The following ZNF423 variants were observed in gnomAD, a reference collection of about 807,000 sequenced individuals.
ZNF423 encodes the protein zinc finger protein 423, also known as Ebf-associated zinc finger protein.
A neutral mutation model predicts 95.8 loss-of-function variants in ZNF423; 12 were observed. The ratio of observed to expected loss-of-function variants is 0.13; its 90% CI spans 0.08 to 0.20. ZNF423 has a LOEUF of 0.20. Among genes scored for constraint, ZNF423 ranks in the 10% least tolerant of loss-of-function variants. The pLI is 1.00. For missense variants in ZNF423, 1,316 were observed against 1,737.1 expected (o/e 0.76, Z 4.31); for synonymous variants, 749 against 711.9 (o/e 1.05, Z -0.83).
intron 3 of ZNF423, among the ~76,000 whole-genome samples, chr16:49,657,144 T>C (rs1006049431): frequency 6.6e-6 from 1 of 152,180 alleles, no homozygotes; most frequent in Non-Finnish European, 1.5e-5. Flanking sequence ...CCTGGACACC[T>C]CTCAGGGTGA....
chr16:49,637,145 C>T lies in ZNF423; in HGVS notation c.2031G>A (p.Glu677=), dbSNP rs2151884113. 1 of 1,613,660 alleles carries T rather than the reference C, an allele frequency of 6.2e-7. No individual in the cohort carries two copies. The highest frequency in any genetic ancestry group is 8.5e-7 in the Non-Finnish European group (1 of 1,179,998). Reference sequence around the variant, plus strand: ...GGAGGGACTCCTGGGAGTCAAAGTCCTCTTTGCACTGGGGGCACGCTTGCT... The same window carrying T: ...GGAGGGACTCCTGGGAGTCAAAGTCTTCTTTGCACTGGGGGCACGCTTGCT... ...LRKQACPQCK[E]DFDSQESLLQ... is the part of the protein sequence containing the mutation. Residue 677 remains glutamate (E), a synonymous_variant, in exon 4 of 8, where the codon GAG becomes GAA. Transcript: ENST00000563137. This position sits in a 1 kb window ranked among gnomAD's most constrained non-coding sequence, Gnocchi z 5.6.
At position 49,855,901 on chromosome 16, in the gene ZNF423, G is replaced by T. The variant is rs1597067777; in HGVS notation, c.-127C>A. The T allele has an allele frequency of 6.7e-6, 1 of 148,802 alleles. No individual in the cohort carries two copies. The highest frequency in any genetic ancestry group is 2.1e-4 in the East Asian group (1 of 4,842). The allele number at this position is 148,802 out of a possible 1,614,324, so 9.2% of individuals were successfully genotyped here. Reference sequence around the variant, plus strand: ...TTGGAAACTTTTTTTTTTGCAGCCCGGTTGGCGGCTGTGGGGAGCGGACCG... The same window carrying T: ...TTGGAAACTTTTTTTTTTGCAGCCCTGTTGGCGGCTGTGGGGAGCGGACCG... On this transcript the variant is annotated 5_prime_UTR_variant, in exon 1 of 8. Coordinates refer to ENST00000563137, the MANE Select transcript of ZNF423 (RefSeq NM_001379286.1). The surrounding 1 kb of genome is among the most constrained non-coding windows in gnomAD (Gnocchi z 4.7).
At chr16:49,731,645 TC>T (rs2033170609) in intron 2 of ZNF423, among the ~76,000 whole-genome samples, 1 of 149,122 alleles carries the variant, frequency 6.7e-6, no homozygotes, top group African/African-American at 2.5e-5. Context: ...AGACTCTATC[TC>T]TACAAAAAAA....
At chr16:49,784,644 G>A (rs910937231) in intron 2 of ZNF423, among the ~76,000 whole-genome samples, 2 of 152,190 alleles carry the variant, frequency 1.3e-5, no homozygotes, top group African/African-American at 2.4e-5. Context: ...GAATAGGCAA[G>A]TCTACAGAGA....
chr16:49,554,726 A>T (rs1408433277), intron 5 of ZNF423, among the ~76,000 whole-genome samples: 1 of 151,930 alleles, frequency 6.6e-6, no homozygotes, highest in Non-Finnish European at 1.5e-5. Context: ...TCATTATATG[A>T]TTATTGTAGG....
At chr16:49,722,187 A>T (rs1300487692) in intron 3 of ZNF423, among the ~76,000 whole-genome samples, 1 of 152,158 alleles carries the variant, frequency 6.6e-6, no homozygotes, top group Non-Finnish European at 1.5e-5. Context: ...AAGCCATCGG[A>T]GGGCAGGGGG....
rs984547036 is a variant in ZNF423, at chr16:49,492,367, C to A, written c.3850-1063G>T. On this transcript the variant is annotated intron_variant, in intron 7 of 7. Coordinates refer to ENST00000563137, the MANE Select transcript of ZNF423 (RefSeq NM_001379286.1). This position sits in a 1 kb window ranked among gnomAD's most constrained non-coding sequence, Gnocchi z 4.2. ...CCCCAGGGCCCGGCGACTCCTGCAG[C>A]TGTGCCGCTGACCGCCAGGGGTCAG... is the stretch of plus-strand genomic sequence containing the variant. Among the ~76,000 whole-genome samples the A allele has an allele frequency of 1.2e-4, 18 of 152,214 alleles. No individual in the cohort carries two copies. The highest frequency in any genetic ancestry group is 2.2e-4 in the Non-Finnish European group (15 of 68,022).
chr16:49,720,593 A>G (rs570613614), intron 3 of ZNF423, among the ~76,000 whole-genome samples: 1 of 152,230 alleles, frequency 6.6e-6, no homozygotes, highest in Non-Finnish European at 1.5e-5. Context: ...CAAACCAAAA[A>G]AGGTTTGAGG....
At chr16:49,503,247 G>T (rs984002258) in intron 7 of ZNF423, among the ~76,000 whole-genome samples, 1 of 152,122 alleles carries the variant, frequency 6.6e-6, no homozygotes, top group Admixed American at 6.5e-5. Flanking sequence ...CCCCTTGAAG[G>T]CCCCCTTCCT....
intron 1 of ZNF423, among the ~76,000 whole-genome samples, chr16:49,809,577 G>A (rs764979110): frequency 3.9e-5 from 6 of 152,210 alleles, no homozygotes; most frequent in Non-Finnish European, 8.8e-5. Flanking sequence ...GGGAAAAGGA[G>A]AATCCGAGAG....
chr16:49,807,874 G>A lies in ZNF423; in HGVS notation c.41-18328C>T, dbSNP rs78168564. ...TCAGCCTCTCCACTGTCCCTGCCCC[G>A]GGGCTGGCAGGGACCTCCCCAGACA... On this transcript the variant is annotated intron_variant, in intron 1 of 7. Transcript: ENST00000563137. 5.2e-3 allele frequency among the ~76,000 whole-genome samples: 797 copies of A among 152,282 alleles called. 21 individuals are homozygous for A. The East Asian group carries it at 0.06, about 11-fold the overall frequency.
intron 5 of ZNF423, among the ~76,000 whole-genome samples, chr16:49,577,513 CAG>C (rs769014359): frequency 6.6e-5 from 10 of 151,962 alleles, no homozygotes; most frequent in Non-Finnish European, 1.3e-4. Context: ...TCTCCACAAA[CAG>C]AGAAAAGGAG....
At chr16:49,542,679 A>G (rs1288513888) in intron 5 of ZNF423, among the ~76,000 whole-genome samples, 1 of 152,154 alleles carries the variant, frequency 6.6e-6, no homozygotes, top group East Asian at 1.9e-4. Flanking sequence ...ACTCTCAACA[A>G]CCACTTTGTC....
intron 7 of ZNF423, among the ~76,000 whole-genome samples, chr16:49,503,083 A>C (rs2151664704): frequency 6.6e-6 from 1 of 151,558 alleles, no homozygotes; most frequent in East Asian, 2.0e-4. Context: ...ACACACACAC[A>C]CACCCCAGTC....
chr16:49,639,085 AGGGGGAGC>A (rs1972878672), intron 3 of ZNF423, among the ~76,000 whole-genome samples: 1 of 152,170 alleles, frequency 6.6e-6, no homozygotes, highest in South Asian at 2.1e-4. Flanking sequence ...CAGATAATGA[AGGGGGAGC>A]GCCTTTTCCC....
intron 2 of ZNF423, among the ~76,000 whole-genome samples, chr16:49,778,120 A>G (rs2034150220): frequency 6.6e-6 from 1 of 152,242 alleles, no homozygotes; most frequent in Non-Finnish European, 1.5e-5. Flanking sequence ...TTATCAGTGG[A>G]GGTAAAATAA....
intron 5 of ZNF423, among the ~76,000 whole-genome samples, chr16:49,526,242 C>T (rs1471058172): frequency 6.6e-6 from 1 of 152,188 alleles, no homozygotes; most frequent in Non-Finnish European, 1.5e-5. Flanking sequence ...TGACGGGCAG[C>T]ATGGAAGATA....
chr16:49,791,485 G>C (rs1016971921), intron 1 of ZNF423, among the ~76,000 whole-genome samples: 1 of 152,052 alleles, frequency 6.6e-6, no homozygotes, highest in Non-Finnish European at 1.5e-5. Flanking sequence ...TTACTTACAC[G>C]CACACATGTA....
At chr16:49,702,951 T>C (rs1284239107) in intron 3 of ZNF423, among the ~76,000 whole-genome samples, 1 of 143,704 alleles carries the variant, frequency 7.0e-6, no homozygotes, top group Admixed American at 6.9e-5. Context: ...ACACACACAC[T>C]CCATGGCAGG....
Sources: allele counts gnomAD v4.1 joint callset (sites outside exome capture counted in the v4.1 genomes callset), GRCh38; gene constraint gnomAD v4.1.1; non-coding constraint Gnocchi (gnomAD v3.1); transcripts MANE v1.5; gene names NCBI Gene and HGNC (gene_info 2026-07-23, HGNC 2026-07-21).